KIRREL3: variants seen among roughly 807,000 people sequenced by gnomAD.
KIRREL3 encodes kirre like nephrin family adhesion molecule 3.
In KIRREL3, 36 loss-of-function variants were observed where a neutral mutation model predicts 89.7. That is an observed-to-expected ratio of 0.40 (90% CI 0.31 to 0.53). The LOEUF is 0.53. Ranked by LOEUF, KIRREL3 falls within the 20% of genes least tolerant of loss-of-function variation. KIRREL3 has a pLI of 0.49. For synonymous variants in KIRREL3, 445 were observed against 441.4 expected, an observed-to-expected ratio of 1.01 and a Z score of -0.10; for missense variants, 864 against 1,056.6, an observed-to-expected ratio of 0.82 and a Z score of 2.53.
At position 126,783,622 on chromosome 11, in the gene KIRREL3, A is replaced by G. The variant is rs1950394479; in HGVS notation, c.55+216833T>C. Reference sequence around the variant, plus strand: ...ATAGTGTTGGAGGATAATCCAAAGCAAGTCCATACTGATGTAAATAGATGA... The same window carrying G: ...ATAGTGTTGGAGGATAATCCAAAGCGAGTCCATACTGATGTAAATAGATGA... On this transcript the variant is annotated intron_variant, in intron 1 of 16. Coordinates refer to ENST00000525144, the MANE Select transcript of KIRREL3 (RefSeq NM_032531.4). The surrounding 1 kb of genome is among the most constrained non-coding windows in gnomAD (Gnocchi z 4.3). 6.6e-6 allele frequency among the ~76,000 whole-genome samples: 1 copy of G among 152,260 alleles called. No homozygotes were observed. Among genetic ancestry groups the G allele is most frequent in the African/African-American group, 2.4e-5 (1 of 41,478 alleles).
At chr11:126,926,784 C>T (rs896518383) in intron 1 of KIRREL3, among the ~76,000 whole-genome samples, 5 of 151,762 alleles carry the variant, frequency 3.3e-5, no homozygotes, top group East Asian at 4.0e-4. Context: ...CTAAAGAGGG[C>T]GCGGAAAAAA....
rs575798981 is a variant in KIRREL3, at chr11:126,744,109, C to T, written c.56-181197G>A. Among the ~76,000 whole-genome samples, 173 of 152,230 alleles carry T rather than the reference C, an allele frequency of 1.1e-3. 4 individuals carry two copies. The highest frequency in any genetic ancestry group is 2.6e-3 in the African/African-American group (108 of 41,538). On this transcript the variant is annotated intron_variant, in intron 1 of 16. Coordinates refer to ENST00000525144, the MANE Select transcript of KIRREL3 (RefSeq NM_032531.4). The surrounding 1 kb of genome is among the most constrained non-coding windows in gnomAD (Gnocchi z 4.7). The stretch of plus-strand genomic sequence containing the variant: ...TTGGGACTAGCCAAGGGGCAGAGGG[C>T]CCAGGAAGGTGGAGCTGTGCTTGGG...
At chr11:126,451,052 C>A (rs1956088829) in intron 7 of KIRREL3, among the ~76,000 whole-genome samples, 1 of 130,226 alleles carries the variant, frequency 7.7e-6, no homozygotes, top group Non-Finnish European at 1.6e-5. Context: ...TGAGCATGTG[C>A]ATGTGTGCAT....
chr11:126,509,504 G>A (rs1257467828), intron 4 of KIRREL3, among the ~76,000 whole-genome samples: 2 of 152,182 alleles, frequency 1.3e-5, no homozygotes, highest in Non-Finnish European at 2.9e-5. Context: ...AACATATCAG[G>A]TTCTCCATCC....
intron 11 of KIRREL3, 97 bp downstream of exon 11, chr11:126,440,352 C>T (rs767570508): frequency 1.1e-5 from 11 of 1,031,006 alleles, no homozygotes; most frequent in South Asian, 8.1e-5. Context: ...AGAGGAACCT[C>T]GGAGGTGTGC....
chr11:126,572,571 G>A (rs986408263), intron 1 of KIRREL3, among the ~76,000 whole-genome samples: 2 of 37,782 alleles, frequency 5.3e-5, no homozygotes, highest in African/African-American at 1.3e-4. Context: ...GGGAAGAGGG[G>A]ACCCCCCCCC....
chr11:126,676,949 T>G lies in KIRREL3; in HGVS notation c.56-114037A>C, dbSNP rs970415437. Among the ~76,000 whole-genome samples the G allele has an allele frequency of 9.2e-5, 14 of 151,956 alleles. No individual in the cohort carries two copies. The highest frequency in any genetic ancestry group is 2.9e-4 in the African/African-American group (12 of 41,300). ...ACAGGCATGCACCACCACACCACGC[T>G]AATTTTTAAAAAATTTTTTGTAGAG... On this transcript the variant is annotated intron_variant, in intron 1 of 16. Coordinates refer to ENST00000525144, the MANE Select transcript of KIRREL3 (RefSeq NM_032531.4). The surrounding 1 kb of genome is among the most constrained non-coding windows in gnomAD (Gnocchi z 4.5).
Position 126,897,289 on chromosome 11 carries a change from AATGTC to A in KIRREL3, c.55+103161_55+103165del, listed in dbSNP as rs1214316270. On this transcript the variant is annotated intron_variant, in intron 1 of 16. Coordinates refer to ENST00000525144, the MANE Select transcript of KIRREL3 (RefSeq NM_032531.4). The surrounding 1 kb of genome is among the most constrained non-coding windows in gnomAD (Gnocchi z 4.2). ...CTCATGAGGAGGAGATCAGTCCTGGAATGTCCAGGACTGAGGGGACAGTCATGAGG... is the reference window on the plus strand; with the variant it reads ...CTCATGAGGAGGAGATCAGTCCTGGACAGGACTGAGGGGACAGTCATGAGG... Among the ~76,000 whole-genome samples the A allele has an allele frequency of 2.0e-5, 3 of 152,078 alleles. No homozygotes were observed. Among genetic ancestry groups the A allele is most frequent in the Non-Finnish European group, 4.4e-5 (3 of 68,002 alleles).
Position 126,440,437 on chromosome 11 carries a change from T to TG in KIRREL3, c.1353+11dup. The TG allele has an allele frequency of 6.4e-7, 1 of 1,560,970 alleles. No individual in the cohort carries two copies. Among genetic ancestry groups the TG allele is most frequent in the Non-Finnish European group, 8.7e-7 (1 of 1,153,650 alleles). On this transcript the variant is annotated intron_variant, in intron 11 of 16. Coordinates refer to ENST00000525144, the MANE Select transcript of KIRREL3 (RefSeq NM_032531.4). ...TGGCCCGGCCCCCGCCCGCCGTCCCTGGAGCACTCACGATGCGGTCCGGCG... is the reference window on the plus strand; with the variant it reads ...TGGCCCGGCCCCCGCCCGCCGTCCCTGGGAGCACTCACGATGCGGTCCGGCG...
At chr11:126,851,047 A>G (rs1334778352) in intron 1 of KIRREL3, among the ~76,000 whole-genome samples, 1 of 152,174 alleles carries the variant, frequency 6.6e-6, no homozygotes, top group East Asian at 1.9e-4. Context: ...CTCACTAGGC[A>G]CTCTCTGAAG....
intron 1 of KIRREL3, among the ~76,000 whole-genome samples, chr11:126,671,941 T>C (rs927286843): frequency 8.5e-5 from 13 of 152,234 alleles, no homozygotes; most frequent in Admixed American, 5.9e-4. Flanking sequence ...CCAGCTGATT[T>C]GAAAACTTAC....
In KIRREL3 at chr11:126,687,232, T is replaced by A. The variant is rs559870360; in HGVS notation, c.56-124320A>T. 2.6e-5 allele frequency among the ~76,000 whole-genome samples: 4 copies of A among 152,302 alleles called. No homozygotes were observed. In the East Asian group the frequency reaches 7.7e-4, roughly 29 times the overall value. The stretch of plus-strand genomic sequence containing the variant: ...CGCCAGGCAGTGAGCTAGTCCTTAT[T>A]TTCACACCTGGCTTTCTTGCCTAAG... On this transcript the variant is annotated intron_variant, in intron 1 of 16. Coordinates refer to ENST00000525144, the MANE Select transcript of KIRREL3 (RefSeq NM_032531.4). The surrounding 1 kb of genome is among the most constrained non-coding windows in gnomAD (Gnocchi z 4.6).
rs1950305624 is a variant in KIRREL3 at position 126,780,835 on chromosome 11, G to C, written c.56-217923C>G. ...ATCAAAAACACCACACAGCAGGGAG[G>C]CTTCTCAGCTTTGCCACTGGCAACC... On this transcript the variant is annotated intron_variant, in intron 1 of 16. Coordinates refer to ENST00000525144, the MANE Select transcript of KIRREL3 (RefSeq NM_032531.4). This position sits in a 1 kb window ranked among gnomAD's most constrained non-coding sequence, Gnocchi z 5.3. Among the ~76,000 whole-genome samples, 1 of 152,198 alleles carries C rather than the reference G, an allele frequency of 6.6e-6. No homozygotes were observed. Among genetic ancestry groups the C allele is most frequent in the South Asian group, 2.1e-4 (1 of 4,824 alleles).
chr11:126,628,470 G>A lies in KIRREL3; in HGVS notation c.56-65558C>T, dbSNP rs1943883994. ...GTACCCATGAGAGCACATAGTAGGT[G>A]GTTAATGAATGTTTGCTGAGCAGGA... On this transcript the variant is annotated intron_variant, in intron 1 of 16. Coordinates refer to ENST00000525144, the MANE Select transcript of KIRREL3 (RefSeq NM_032531.4). The surrounding 1 kb of genome is among the most constrained non-coding windows in gnomAD (Gnocchi z 5.2). Among the ~76,000 whole-genome samples, 1 of 152,190 alleles carries A rather than the reference G, an allele frequency of 6.6e-6. No individual in the cohort carries two copies. Among genetic ancestry groups the A allele is most frequent in the Non-Finnish European group, 1.5e-5 (1 of 68,036 alleles).
intron 11 of KIRREL3, chr11:126,440,110 C>A: frequency 2.0e-6 from 1 of 509,420 alleles, no homozygotes; most frequent in South Asian, 1.7e-5. Flanking sequence ...TTGCTAAAGA[C>A]TGGCCTGGAG....
chr11:126,439,503 T>A (rs1161414985), intron 11 of KIRREL3, among the ~76,000 whole-genome samples: 3 of 147,148 alleles, frequency 2.0e-5, no homozygotes, highest in Non-Finnish European at 4.5e-5. Flanking sequence ...TCCTGCTCAG[T>A]AAGACCCTCC....
rs1178082464 is a variant in KIRREL3, at chr11:126,606,542, T to C, written c.56-43630A>G. On this transcript the variant is annotated intron_variant, in intron 1 of 16. Coordinates refer to ENST00000525144, the MANE Select transcript of KIRREL3 (RefSeq NM_032531.4). The surrounding 1 kb of genome is among the most constrained non-coding windows in gnomAD (Gnocchi z 4.6). ...GCTCTCTGGGAACTGCCTTCCACAT[T>C]TCCCCACCTTAGGGTGGTCTCCAGA... Among the ~76,000 whole-genome samples, 4 of 152,124 alleles carry C rather than the reference T, an allele frequency of 2.6e-5. No homozygotes were observed. The highest frequency in any genetic ancestry group is 9.7e-5 in the African/African-American group (4 of 41,444).
At chr11:126,442,264 AAAAAAAAAC>A (rs1424217959) in intron 10 of KIRREL3, among the ~76,000 whole-genome samples, 5 of 124,052 alleles carry the variant, frequency 4.0e-5, no homozygotes, top group African/African-American at 1.4e-4. Flanking sequence ...CCAGCTCAAA[AAAAAAAAAC>A]AAAAAAAAAA....
rs532285659 is a variant in KIRREL3 at position 126,774,314 on chromosome 11, C to T, written c.56-211402G>A. ...TTGCCGAAGAAGGGGGAAAGAACTC[C>T]GAGTCCACTGTGGAGGCCACCTCTG... On this transcript the variant is annotated intron_variant, in intron 1 of 16. Coordinates refer to ENST00000525144, the MANE Select transcript of KIRREL3 (RefSeq NM_032531.4). Among the ~76,000 whole-genome samples, 12 of 152,168 alleles carry T rather than the reference C, an allele frequency of 7.9e-5. No homozygotes were observed. The South Asian group carries it at 1.2e-3, about 16-fold the overall frequency.
Sources: allele counts gnomAD v4.1 joint callset (sites outside exome capture counted in the v4.1 genomes callset), GRCh38; gene constraint gnomAD v4.1.1; non-coding constraint Gnocchi (gnomAD v3.1); transcripts MANE v1.5; gene names NCBI Gene and HGNC (gene_info 2026-07-23, HGNC 2026-07-21).